The following CCDC178 variants were observed in gnomAD, a reference collection of about 807,000 sequenced individuals.
CCDC178 encodes coiled-coil domain-containing protein 178.
In CCDC178, 126 loss-of-function variants were observed where a neutral mutation model predicts 117.4. The ratio of observed to expected loss-of-function variants is 1.07; its 90% CI spans 0.93 to 1.24. The LOEUF (loss-of-function observed/expected upper bound fraction) is 1.24, where lower values mean the gene tolerates loss of function less well. Among genes scored for constraint, CCDC178 ranks in the 50% most tolerant of loss-of-function variants. The pLI is 0.00. For missense variants in CCDC178, 1,030 were observed against 986.9 expected, an observed-to-expected ratio of 1.04 and a Z score of -0.59; for synonymous variants, 283 against 313.4, an observed-to-expected ratio of 0.90 and a Z score of 1.02.
At chr18:33,406,438 C>T (rs1325161397) in intron 3 of CCDC178, among the ~76,000 whole-genome samples, 1 of 151,938 alleles carries the variant, frequency 6.6e-6, no homozygotes, top group African/African-American at 2.4e-5. Flanking sequence ...ATATGAAAGA[C>T]TACTATATAA....
chr18:32,978,203 ATTTTTTTTTT>A (rs34863142), intron 21 of CCDC178, among the ~76,000 whole-genome samples: 71 of 90,042 alleles, frequency 7.9e-4, no homozygotes, highest in African/African-American at 1.4e-3. Context: ...CTCAAAAAAG[ATTTTTTTTTT>A]TTTTTTTTTT....
In CCDC178 at chr18:33,331,026, C is replaced by CTTTTTTTTTTTTT. The variant is rs67153629; in HGVS notation, c.879+2135_879+2147dup. ...CCTGATAAGCTTTACACAAACATTGCTTTTTTTTTTTTTTTTTTTTTTTTT... is the reference window on the plus strand; with the variant it reads ...CCTGATAAGCTTTACACAAACATTGCTTTTTTTTTTTTTTTTTTTTTTTTTTTTTTTTTTTTTT... On this transcript the variant is annotated intron_variant, in intron 10 of 22. Transcript: ENST00000383096. 7.9e-3 allele frequency among the ~76,000 whole-genome samples: 354 copies of CTTTTTTTTTTTTT among 45,050 alleles called. 54 individuals are homozygous for CTTTTTTTTTTTTT. Among genetic ancestry groups the CTTTTTTTTTTTTT allele is most frequent in the East Asian group, 0.022 (31 of 1,428 alleles). 29.6% of individuals were successfully genotyped at this position (45,050 alleles called of 152,430 possible). A position where few individuals can be genotyped will look rare whatever the true frequency, so the allele number is the denominator to read the frequency against.
intron 15 of CCDC178, among the ~76,000 whole-genome samples, chr18:33,235,639 G>A (rs2144662622): frequency 6.6e-6 from 1 of 152,196 alleles, no homozygotes; most frequent in East Asian, 1.9e-4. Context: ...GTGACCTGAT[G>A]TTCTCACTTT....
chr18:33,302,370 CA>C (rs1268791590), intron 11 of CCDC178, among the ~76,000 whole-genome samples: 2 of 151,892 alleles, frequency 1.3e-5, no homozygotes, highest in African/African-American at 2.4e-5. Context: ...GGTGAGAATG[CA>C]AAAAAATAAA....
chr18:33,262,009 G>A (rs936006146), intron 14 of CCDC178, among the ~76,000 whole-genome samples: 1 of 151,994 alleles, frequency 6.6e-6, no homozygotes, highest in Non-Finnish European at 1.5e-5. Context: ...AGACATTCAT[G>A]ATTTCATGAA....
At chr18:33,046,000 G>A (rs1196019595) in intron 21 of CCDC178, among the ~76,000 whole-genome samples, 6 of 152,180 alleles carry the variant, frequency 3.9e-5, no homozygotes, top group Middle Eastern at 3.2e-3. Context: ...CCTGAGAGGC[G>A]GAGGTTGGAG....
intron 21 of CCDC178, among the ~76,000 whole-genome samples, chr18:32,988,438 CAATA>C (rs894470755): frequency 2.4e-4 from 36 of 151,878 alleles, no homozygotes; most frequent in African/African-American, 8.2e-4. Context: ...TCCATCTCAA[CAATA>C]AATAAATAAA....
intron 2 of CCDC178, among the ~76,000 whole-genome samples, chr18:33,434,646 A>T (rs954302830): frequency 3.9e-5 from 6 of 152,118 alleles, no homozygotes; most frequent in Non-Finnish European, 8.8e-5. Context: ...CTGAGATATC[A>T]GGAAGACACA....
At chr18:33,342,487 C>T (rs2062829370) in intron 9 of CCDC178, among the ~76,000 whole-genome samples, 1 of 152,174 alleles carries the variant, frequency 6.6e-6, no homozygotes. Context: ...CCCACCCAAT[C>T]TCAACTGGAA....
At chr18:33,389,890 G>A (rs11875792) in intron 4 of CCDC178, among the ~76,000 whole-genome samples, 2,360 of 151,642 alleles carry the variant, frequency 0.016, 58 homozygotes, top group African/African-American at 0.053. Flanking sequence ...GTTATTATGT[G>A]TTGATATAGG....
intron 11 of CCDC178, among the ~76,000 whole-genome samples, chr18:33,321,329 G>A (rs1333679521): frequency 6.6e-6 from 1 of 152,122 alleles, no homozygotes; most frequent in African/African-American, 2.4e-5. Flanking sequence ...GAAAATTTTT[G>A]CAATCTACTC....
chr18:33,117,264 C>G (rs1165307149), intron 20 of CCDC178, among the ~76,000 whole-genome samples: 1 of 152,048 alleles, frequency 6.6e-6, no homozygotes, highest in East Asian at 1.9e-4. Context: ...ATGAATTAGC[C>G]TCTTTTCTCA....
chr18:33,174,150 C>T lies in CCDC178; in HGVS notation c.2238+37746G>A, dbSNP rs531505430. Among the ~76,000 whole-genome samples the T allele has an allele frequency of 1.1e-4, 17 of 151,832 alleles. 1 individual carries two copies. The highest frequency in any genetic ancestry group is 8.5e-4 in the Admixed American group (13 of 15,260). ...GCAAAGGGGGAGCAGGTACGTCACA[C>T]GGTGAGAATGGAGCAACAGAGAGAG... On this transcript the variant is annotated intron_variant, in intron 20 of 22. Coordinates refer to ENST00000383096, the MANE Select transcript of CCDC178 (RefSeq NM_001105528.4).
At chr18:33,327,582 A>T (rs541589376) in intron 10 of CCDC178, among the ~76,000 whole-genome samples, 1 of 152,308 alleles carries the variant, frequency 6.6e-6, no homozygotes, top group South Asian at 2.1e-4. Context: ...AGCAAATTAC[A>T]ATGGTTCCAG....
At chr18:33,257,976 A>C (rs1027090151) in intron 14 of CCDC178, among the ~76,000 whole-genome samples, 1 of 151,984 alleles carries the variant, frequency 6.6e-6, no homozygotes. Context: ...TTTTTCCTTC[A>C]TGTCTTATAT....
intron 18 of CCDC178, among the ~76,000 whole-genome samples, chr18:33,217,535 T>C (rs2059181240): frequency 6.6e-6 from 1 of 151,974 alleles, no homozygotes; most frequent in African/African-American, 2.4e-5. Context: ...TTTAGATTTT[T>C]TTTTAAATCA....
Position 32,940,527 on chromosome 18 carries a change from G to T in CCDC178, c.2524-2436C>A, listed in dbSNP as rs756838043. ...TTTTAACTTTATTTTAGGTTCAGGG[G>T]TACATGTGCAGGTTTGTTATATAGG... is the stretch of plus-strand genomic sequence containing the variant. On this transcript the variant is annotated intron_variant, in intron 22 of 22. Transcript: ENST00000383096. 9.9e-5 allele frequency among the ~76,000 whole-genome samples: 15 copies of T among 151,962 alleles called. No homozygotes were observed. The East Asian group carries it at 2.5e-3, about 26-fold the overall frequency.
intron 6 of CCDC178, among the ~76,000 whole-genome samples, chr18:33,358,081 T>C (rs931388650): frequency 6.6e-6 from 1 of 151,990 alleles, no homozygotes; most frequent in Non-Finnish European, 1.5e-5. Context: ...CTGAATGCTG[T>C]AGGCAAGTAT....
At chr18:33,136,139 T>C (rs2058122970) in intron 20 of CCDC178, 1 of 152,220 alleles carries the variant, frequency 6.6e-6, no homozygotes, top group Admixed American at 6.6e-5. Context: ...AATGACTGTG[T>C]AGAGCTTAAA....
Sources: gnomAD v4.1 joint callset for allele counts (sites outside exome capture counted in the v4.1 genomes callset) on GRCh38, gnomAD v4.1.1 for gene constraint, MANE v1.5 for transcripts, NCBI Gene and HGNC (gene_info 2026-07-23, HGNC 2026-07-21) for gene names.